The following ENO4 variants were observed in gnomAD, a reference collection of about 807,000 sequenced individuals.
ENO4 encodes enolase 4.
Under a neutral mutation model 63.2 loss-of-function variants are expected in ENO4, and 53 were observed. The observed-to-expected ratio is 0.84, with a 90% CI of 0.67 to 1.05. The LOEUF (loss-of-function observed/expected upper bound fraction) is 1.05. Among genes scored for constraint, ENO4 ranks in the 50% least tolerant of loss-of-function variants. ENO4 has a pLI of 0.00. For missense variants in ENO4, 719 were observed against 772.0 expected, an observed-to-expected ratio of 0.93 and a Z score of 0.81; for synonymous variants, 266 against 283.8, an observed-to-expected ratio of 0.94 and a Z score of 0.63.
At chr10:116,853,091 C>A in intron 1 of ENO4, among the ~76,000 whole-genome samples, 1 of 152,048 alleles carries the variant, frequency 6.6e-6, no homozygotes, top group East Asian at 1.9e-4. Context: ...GTCAGGAGAT[C>A]GAGACCATCC....
chr10:116,881,494 C>G (rs766171196), intron 13 of ENO4, 21 bp from the exon 14 acceptor site: 1 of 1,518,976 alleles, frequency 6.6e-7, no homozygotes, highest in South Asian at 1.3e-5. Flanking sequence ...AGACAGTAAA[C>G]TTTATTGTTA....
rs1310044647 is a variant in ENO4 at position 116,864,942 on chromosome 10, C to T, written c.990+2090C>T. On this transcript the variant is annotated intron_variant, in intron 7 of 13. Transcript: ENST00000341276. ...GGCTGAGGCAGGAGAATCACTTGAA[C>T]CCAGAAGGCAGAGGTTGCGGTGAGC... is the stretch of plus-strand genomic sequence containing the variant. Among the ~76,000 whole-genome samples, 5 of 151,730 alleles carry T rather than the reference C, an allele frequency of 3.3e-5. No individual in the cohort carries two copies. The South Asian group carries it at 1.0e-3, about 32-fold the overall frequency.
At chr10:116,893,774 T>C (rs2133308290) in intron 10 of ENO4, among the ~76,000 whole-genome samples, 1 of 152,292 alleles carries the variant, frequency 6.6e-6, no homozygotes, top group South Asian at 2.1e-4. Context: ...ACTAAATTAA[T>C]TTCCAGCTGA....
chr10:116,850,002 C>G, intron 1 of ENO4: 4 of 616,676 alleles, frequency 6.5e-6, no homozygotes, highest in Non-Finnish European at 5.8e-6. Context: ...AGCCCAGGGG[C>G]TGGCAGGCTT....
intron 10 of ENO4, among the ~76,000 whole-genome samples, chr10:116,896,660 A>C (rs1254000972): frequency 4.6e-5 from 7 of 152,220 alleles, no homozygotes; most frequent in Non-Finnish European, 8.8e-5. Context: ...TCTTTTGATC[A>C]AAATGAATTA....
At chr10:116,910,597 TAA>T (rs1848152669) in intron 10 of ENO4, among the ~76,000 whole-genome samples, 1 of 152,210 alleles carries the variant, frequency 6.6e-6, no homozygotes, top group Non-Finnish European at 1.5e-5. Context: ...ACCTAATTTT[TAA>T]AAAGTCAAAC....
At position 116,859,134 on chromosome 10, in the gene ENO4, G is replaced by C. The variant is rs765955713; in HGVS notation, c.630G>C (p.Lys210Asn). 3.3e-6 allele frequency: 5 copies of C among 1,509,788 alleles called. 1 individual carries two copies. The highest frequency in any genetic ancestry group is 1.7e-4 in the Middle Eastern group (1 of 5,842). 93.5% of individuals were successfully genotyped at this position (1,509,788 alleles called of 1,614,324 possible). Residue 210 changes from lysine (K) to asparagine (N), a missense_variant, in exon 4 of 14, where the codon AAG becomes AAC. Physicochemically the swap from Lys to Asn is moderately conservative, Grantham distance 94. Coordinates refer to ENST00000341276, the MANE Select transcript of ENO4 (RefSeq NM_001242699.2). ...CTCCTACCAAAAAAAAGGGGCAAAA[G>C]CCAGGTTGGTTGGTGACTTATCTTG... ...PPPPTKKKGQ[K>N]PGRKDTITEK...
intron 11 of ENO4, among the ~76,000 whole-genome samples, chr10:116,877,432 G>A (rs1190718140): frequency 2.0e-5 from 3 of 152,136 alleles, no homozygotes; most frequent in Non-Finnish European, 4.4e-5. Context: ...GTCTAGGAGG[G>A]ATCAGAATTT....
chr10:116,877,369 T>TTATAA (rs1355912994), intron 11 of ENO4, among the ~76,000 whole-genome samples: 1 of 152,178 alleles, frequency 6.6e-6, no homozygotes, highest in Non-Finnish European at 1.5e-5. Flanking sequence ...ACTTAGCTAC[T>TTATAA]TATAATATAT....
At chr10:116,868,481 G>C in intron 7 of ENO4, 169 bp from the exon 8 acceptor site, 2 of 712,236 alleles carry the variant, frequency 2.8e-6, no homozygotes. Flanking sequence ...ATAAAGTAGG[G>C]AGTGGCTGGA....
intron 8 of ENO4, among the ~76,000 whole-genome samples, chr10:116,870,061 A>C (rs1846647926): frequency 1.3e-5 from 2 of 152,218 alleles, no homozygotes; most frequent in Non-Finnish European, 2.9e-5. Context: ...AAATTTCCCC[A>C]ACTATTGCTT....
chr10:116,874,535 C>A (rs142869262), intron 10 of ENO4, among the ~76,000 whole-genome samples: 110 of 152,320 alleles, frequency 7.2e-4, no homozygotes, highest in African/African-American at 2.3e-3. Context: ...CAGATGGAAG[C>A]TGCCCCTGCT....
chr10:116,883,419 A>G (rs1178013385), downstream of ENO4: 1 of 152,222 alleles, frequency 6.6e-6, no homozygotes, highest in Non-Finnish European at 1.5e-5. Context: ...AACCACTCCA[A>G]TCCTTATGCA....
intron 10 of ENO4, among the ~76,000 whole-genome samples, chr10:116,903,362 G>C (rs1847824493): frequency 6.6e-6 from 1 of 152,152 alleles, no homozygotes; most frequent in South Asian, 2.1e-4. Context: ...GTGAAACCCT[G>C]TCTCTACTAG....
chr10:116,875,517 G>C (rs1179896719), intron 10 of ENO4, among the ~76,000 whole-genome samples: 1 of 151,226 alleles, frequency 6.6e-6, no homozygotes, highest in African/African-American at 2.4e-5. Context: ...GCTAGTTTTT[G>C]TATTTTTTGT....
rs532966614 is a variant in ENO4, at chr10:116,871,568, T to G, written c.1215+276T>G. Reference sequence around the variant, plus strand: ...AAATGAGTTACTTACATTGCAATCCTGAAAGCTACTGAAAAATAATTTAAC... The same window carrying G: ...AAATGAGTTACTTACATTGCAATCCGGAAAGCTACTGAAAAATAATTTAAC... On this transcript the variant is annotated intron_variant, in intron 9 of 13. Coordinates refer to ENST00000341276, the MANE Select transcript of ENO4 (RefSeq NM_001242699.2). Among the ~76,000 whole-genome samples the G allele has an allele frequency of 5.9e-5, 9 of 152,312 alleles. No homozygotes were observed. The South Asian group carries it at 1.9e-3, about 32-fold the overall frequency.
chr10:116,859,791 C>A (rs1384067182), intron 4 of ENO4, among the ~76,000 whole-genome samples: 1 of 152,068 alleles, frequency 6.6e-6, no homozygotes, highest in East Asian at 1.9e-4. Flanking sequence ...CAGGCACGAA[C>A]CATACACCCA....
In ENO4 at chr10:116,849,566, C is replaced by T; in HGVS notation, c.-1C>T. The T allele has an allele frequency of 6.5e-7, 1 of 1,538,514 alleles. No homozygotes were observed. The highest frequency in any genetic ancestry group is 8.8e-7 in the Non-Finnish European group (1 of 1,141,338). On this transcript the variant is annotated 5_prime_UTR_variant, in exon 1 of 14. Coordinates refer to ENST00000341276, the MANE Select transcript of ENO4 (RefSeq NM_001242699.2). Reference sequence around the variant, plus strand: ...CCCGCTGTAGCCTTAAATCTCCTACCATGGAGGAAGAAGGCGGCGGCCGCA... The same window carrying T: ...CCCGCTGTAGCCTTAAATCTCCTACTATGGAGGAAGAAGGCGGCGGCCGCA...
At chr10:116,901,114 G>A in intron 10 of ENO4, 1 of 985,282 alleles carries the variant, frequency 1.0e-6, no homozygotes. Flanking sequence ...CAAACTAGCT[G>A]ACATCCTGGC....
Sources: gnomAD v4.1 joint callset for allele counts (sites outside exome capture counted in the v4.1 genomes callset) on GRCh38, gnomAD v4.1.1 for gene constraint, MANE v1.5 for transcripts, NCBI Gene and HGNC (gene_info 2026-07-23, HGNC 2026-07-21) for gene names.